PPP1R12C: variants seen among roughly 807,000 people sequenced by gnomAD.
The protein encoded by PPP1R12C is protein phosphatase 1 regulatory subunit 12C.
Under a neutral mutation model 95.6 loss-of-function variants are expected in PPP1R12C, and 48 were observed. The observed-to-expected ratio is 0.50, with a 90% CI of 0.40 to 0.64. PPP1R12C has a LOEUF of 0.64. Among genes scored for constraint, PPP1R12C ranks in the 30% least tolerant of loss-of-function variants. The probability of loss-of-function intolerance (pLI) is 0.00; values close to 1 mark genes in which losing one functional copy is unlikely to be tolerated. For missense variants in PPP1R12C, 1,057 were observed against 1,083.3 expected (o/e 0.98, Z 0.34); for synonymous variants, 480 against 460.8 (o/e 1.04, Z -0.53).
intron 3 of PPP1R12C, among the ~76,000 whole-genome samples, chr19:55,105,868 C>A (rs183186320): frequency 1.3e-5 from 2 of 151,664 alleles, no homozygotes; most frequent in South Asian, 4.2e-4. Context: ...CTTGGGCCCA[C>A]GAGGTCAAGG....
At chr19:55,095,056 G>A (rs1283923607) in intron 11 of PPP1R12C, 1 of 677,710 alleles carries the variant, frequency 1.5e-6, no homozygotes, top group Non-Finnish European at 2.5e-6. Flanking sequence ...GCGCCGTGGT[G>A]GCAGCAGGGT....
At chr19:55,092,565 G>A (rs1327122593) in intron 17 of PPP1R12C, 21 bp from the exon 18 acceptor site, 1 of 1,582,486 alleles carries the variant, frequency 6.3e-7, no homozygotes. Flanking sequence ...GGAGGAGCGC[G>A]CGTCAGGGGC....
At chr19:55,091,960 T>C in intron 19 of PPP1R12C, 51 bp from the exon 20 acceptor site, 1 of 1,602,900 alleles carries the variant, frequency 6.2e-7, no homozygotes, top group Non-Finnish European at 8.5e-7. Flanking sequence ...CCAGCACTGC[T>C]CTGAAGGGTC....
rs10409378 is a variant in PPP1R12C, at chr19:55,092,033, C to G, written c.2161-124G>C. On this transcript the variant is annotated intron_variant, in intron 19 of 21. Transcript: ENST00000263433. ...GCCCACAAGCCCTTCCCCCACGGGCCAGGCCCCGCCACCGGCAGGCCCACA... is the reference window on the plus strand; with the variant it reads ...GCCCACAAGCCCTTCCCCCACGGGCGAGGCCCCGCCACCGGCAGGCCCACA... 12,013 of 1,285,790 alleles carry G rather than the reference C, an allele frequency of 9.3e-3. 883 individuals carry two copies. The African/African-American group carries it at 0.16, about 17-fold the overall frequency. 79.6% of individuals were successfully genotyped at this position (1,285,790 alleles called of 1,614,324 possible). A position where few individuals can be genotyped will look rare whatever the true frequency, so the allele number is the denominator to read the frequency against.
chr19:55,113,027 T>C (rs2085115102), intron 1 of PPP1R12C: 1 of 595,928 alleles, frequency 1.7e-6, no homozygotes, highest in Admixed American at 3.0e-5. Flanking sequence ...CTCCTGGCTA[T>C]CTGCAAACAG....
chr19:55,116,008 G>A (rs773584199), intron 1 of PPP1R12C, among the ~76,000 whole-genome samples: 6 of 152,148 alleles, frequency 3.9e-5, no homozygotes, highest in Non-Finnish European at 8.8e-5. Flanking sequence ...AGAGGTAAGG[G>A]GGGTAGGGGA....
chr19:55,104,178 AAG>A (rs2085009136), intron 3 of PPP1R12C, among the ~76,000 whole-genome samples: 1 of 90,904 alleles, frequency 1.1e-5, no homozygotes, highest in African/African-American at 6.2e-5. Flanking sequence ...AAAAAAAAAA[AAG>A]TATATATATA....
intron 9 of PPP1R12C, 30 bp downstream of exon 9, chr19:55,095,837 C>G: frequency 1.2e-6 from 2 of 1,609,512 alleles, no homozygotes; most frequent in South Asian, 1.1e-5. Context: ...CCCTCCCAGC[C>G]TCACAGGACC....
Position 55,096,140 on chromosome 19 carries a change from G to C in PPP1R12C, c.1064C>G (p.Ser355Cys). 6.2e-7 allele frequency: 1 copy of C among 1,600,188 alleles called. No individual in the cohort carries two copies. The highest frequency in any genetic ancestry group is 8.5e-7 in the Non-Finnish European group (1 of 1,173,634). Residue 355 changes from serine to cysteine, a missense_variant, in exon 8 of 22, where the codon TCC becomes TGC. Coordinates refer to ENST00000263433, the MANE Select transcript of PPP1R12C (RefSeq NM_017607.4). ...GCGCTCCTTGGACAAGTCCTGGAGG[G>C]AAATCTTCTCGCGACTGCTCAGACG... Reference protein sequence around the residue: ...VCRLSSREKISLQDLSKERRP... With the variant: ...VCRLSSREKICLQDLSKERRP...
rs1568824689 is a variant in PPP1R12C, at chr19:55,117,506, G to GC, written c.37dup (p.Ala13GlyfsTer99). 7.8e-6 allele frequency: 8 copies of GC among 1,023,332 alleles called. No individual in the cohort carries two copies. The highest frequency in any genetic ancestry group is 1.0e-4 in the Admixed American group (2 of 19,210). The allele number at this position is 1,023,332 out of a possible 1,614,324, so 63.4% of individuals were successfully genotyped here. A position where few individuals can be genotyped will look rare whatever the true frequency, so the allele number is the denominator to read the frequency against. Reference sequence around the variant, plus strand: ...CCGCTCCCGGGCAGCCGCCGCCGCCGCCCCCGGGCCAGCCGCCGGGCCATC... The same window carrying GC: ...CCGCTCCCGGGCAGCCGCCGCCGCCGCCCCCCGGGCCAGCCGCCGGGCCATC... On this transcript the variant is annotated frameshift_variant, in exon 1 of 22. Coordinates refer to ENST00000263433, the MANE Select transcript of PPP1R12C (RefSeq NM_017607.4). LOFTEE classifies it high-confidence loss of function.
chr19:55,108,858 C>T (rs988652746), intron 3 of PPP1R12C, among the ~76,000 whole-genome samples: 1 of 152,132 alleles, frequency 6.6e-6, no homozygotes, highest in African/African-American at 2.4e-5. Flanking sequence ...AGGGATGTGC[C>T]ACCACCCCTG....
In PPP1R12C at chr19:55,098,268, CTG is replaced by C. The variant is rs2084944198; in HGVS notation, c.951+514_951+515del. On this transcript the variant is annotated intron_variant, in intron 6 of 21. Transcript: ENST00000263433. ...CATTCCCATTTGACAGATAAGGAAA[CTG>C]AGGCCCGGAAAGGAAAGTGGCTGGC... Among the ~76,000 whole-genome samples, 3 of 152,348 alleles carry C rather than the reference CTG, an allele frequency of 2.0e-5. No individual in the cohort carries two copies. The South Asian group carries it at 6.2e-4, about 32-fold the overall frequency.
At position 55,109,863 on chromosome 19, in the gene PPP1R12C, G is replaced by T. The variant is rs2085076633; in HGVS notation, c.571+2604C>A. 6.6e-6 allele frequency among the ~76,000 whole-genome samples: 1 copy of T among 152,140 alleles called. No individual in the cohort carries two copies. On this transcript the variant is annotated intron_variant, in intron 3 of 21. Coordinates refer to ENST00000263433, the MANE Select transcript of PPP1R12C (RefSeq NM_017607.4). The surrounding 1 kb of genome is among the most constrained non-coding windows in gnomAD (Gnocchi z 4.4). ...CCTGTGTGGAGCCGGGTGTCACAGG[G>T]TGTCACAGGCAGTCGCCTTGTGATT...
intron 3 of PPP1R12C, among the ~76,000 whole-genome samples, chr19:55,107,939 T>C (rs2085056419): frequency 6.7e-6 from 1 of 149,710 alleles, no homozygotes; most frequent in East Asian, 1.9e-4. Context: ...TACCATCTTT[T>C]TTTTTTTTTT....
At chr19:55,112,387 G>T in intron 3 of PPP1R12C, 80 bp downstream of exon 3, 1 of 1,309,312 alleles carries the variant, frequency 7.6e-7, no homozygotes, top group Non-Finnish European at 1.0e-6. Context: ...TCGGTGCCCA[G>T]GCCGCCTCTA....
rs1020512840 is a variant in PPP1R12C, at chr19:55,091,879, G to A, written c.2191C>T (p.Leu731Phe). The A allele has an allele frequency of 2.5e-6, 4 of 1,613,364 alleles. No individual in the cohort carries two copies. Among genetic ancestry groups the A allele is most frequent in the Middle Eastern group, 1.6e-4 (1 of 6,062 alleles). Reference protein sequence around the residue: ...RQERFAERPALLELERFERRA... With the variant: ...RQERFAERPAFLELERFERRA... The stretch of plus-strand genomic sequence containing the variant: ...CTCACGAATCTCTCCAGTTCCAGGA[G>A]GGCTGGCCTCTCAGCGAAGCGTTCT... The change falls in exon 20 of 22, where the codon CTC (leucine) becomes TTC (phenylalanine). Residue 731 changes from leucine to phenylalanine, a missense_variant. This residue lies in a region of PPP1R12C where 347 missense variants were observed against 307.9 expected (regional missense o/e 1.13). Transcript: ENST00000263433.
intron 1 of PPP1R12C, chr19:55,113,504 G>A: frequency 7.1e-7 from 1 of 1,418,016 alleles, no homozygotes; most frequent in Admixed American, 2.9e-5. Flanking sequence ...TCCCTTAGGG[G>A]TCCAAAACTT....
chr19:55,103,557 C>A lies in PPP1R12C; in HGVS notation c.583G>T (p.Glu195Ter). ...TCCTCTTCTGCCCGCTTGGCTGCTT[C>A]CACATCCACACCTAGGAGGATAAGA... Reference protein sequence around the residue: ...AEIARRGVDVEAAKRAEEELL... With the variant: ...AEIARRGVDV Residue 195 changes from glutamate to a stop codon, truncating the protein, a stop_gained, in exon 4 of 22, where the codon GAA (glutamate) becomes TAA (stop). Transcript: ENST00000263433. LOFTEE classifies it high-confidence loss of function. 1 of 1,582,568 alleles carries A rather than the reference C, an allele frequency of 6.3e-7. No individual in the cohort carries two copies. Among genetic ancestry groups the A allele is most frequent in the East Asian group, 2.3e-5 (1 of 43,392 alleles).
chr19:55,095,716 G>T (rs578092502), intron 9 of PPP1R12C, 113 bp from the exon 10 acceptor site: 2 of 1,515,216 alleles, frequency 1.3e-6, no homozygotes, highest in Admixed American at 3.8e-5. Context: ...CCCCGGGGCA[G>T]GCACAGCCTA....
Sources: gnomAD v4.1 joint callset for allele counts (sites outside exome capture counted in the v4.1 genomes callset) on GRCh38, gnomAD v4.1.1 for gene constraint, gnomAD v4.1.1 regional missense constraint, Gnocchi (gnomAD v3.1) non-coding constraint, MANE v1.5 for transcripts, NCBI Gene and HGNC (gene_info 2026-07-23, HGNC 2026-07-21) for gene names.